The following FILIP1L variants were observed in gnomAD, a reference collection of about 807,000 sequenced individuals.
FILIP1L encodes the protein filamin A interacting protein 1 like.
Under a neutral mutation model 96.6 loss-of-function variants are expected in FILIP1L, and 55 were observed. The observed-to-expected ratio is 0.57, with a 90% confidence interval of 0.46 to 0.71. FILIP1L has a LOEUF of 0.71. FILIP1L is among the 30% of genes least tolerant of loss of function. The probability of loss-of-function intolerance (pLI) is 0.00; values close to 1 mark genes in which losing one functional copy is unlikely to be tolerated. For missense variants in FILIP1L, 1,304 were observed against 1,321.2 expected (o/e 0.99, Z 0.20); for synonymous variants, 467 against 473.9 (o/e 0.99, Z 0.19).
intron 1 of FILIP1L, among the ~76,000 whole-genome samples, chr3:100,001,819 G>A (rs1177927208): frequency 6.6e-6 from 1 of 152,202 alleles, no homozygotes; most frequent in Non-Finnish European, 1.5e-5. Context: ...AATAATTAAA[G>A]GGATGGGTGT....
chr3:99,846,209 C>T (rs576200930), intron 5 of FILIP1L, among the ~76,000 whole-genome samples: 301 of 152,296 alleles, frequency 2.0e-3, no homozygotes, highest in Non-Finnish European at 2.7e-3. Context: ...GATGGGAATC[C>T]CTTGGCTGGT....
intron 1 of FILIP1L, among the ~76,000 whole-genome samples, chr3:100,060,044 G>A (rs2065533409): frequency 6.6e-6 from 1 of 150,946 alleles, no homozygotes; most frequent in African/African-American, 2.4e-5. Flanking sequence ...GACGGTTGGG[G>A]AAATGGGGGC....
At chr3:99,926,880 A>G (rs1707309053) in intron 3 of FILIP1L, among the ~76,000 whole-genome samples, 1 of 152,170 alleles carries the variant, frequency 6.6e-6, no homozygotes, top group African/African-American at 2.4e-5. Flanking sequence ...CGTGCCCTTC[A>G]TTTATTCCAT....
chr3:99,982,843 A>G (rs958802205), intron 1 of FILIP1L, among the ~76,000 whole-genome samples: 2 of 152,214 alleles, frequency 1.3e-5, no homozygotes, highest in Non-Finnish European at 2.9e-5. Flanking sequence ...ATGGTAATTT[A>G]TGCAGCAATA....
At chr3:100,028,462 G>A (rs2064966402) in intron 1 of FILIP1L, among the ~76,000 whole-genome samples, 1 of 152,104 alleles carries the variant, frequency 6.6e-6, no homozygotes, top group Admixed American at 6.6e-5. Flanking sequence ...GTTGTTCCTT[G>A]TAAGTTTAAT....
chr3:100,021,950 TGTGTGTGTGTGAGAGA>T (rs1287789201), intron 1 of FILIP1L, among the ~76,000 whole-genome samples: 42 of 129,000 alleles, frequency 3.3e-4, no homozygotes, highest in Non-Finnish European at 5.2e-4. Flanking sequence ...TGTGTGTGTG[TGTGTGTGTGTGAGAGA>T]GAGAGAGAGA....
At chr3:100,012,704 A>G (rs978429696) in intron 1 of FILIP1L, among the ~76,000 whole-genome samples, 4 of 150,810 alleles carry the variant, frequency 2.7e-5, no homozygotes, top group Non-Finnish European at 5.9e-5. Context: ...GTTGACATCA[A>G]GTTTTCCAGA....
In FILIP1L at chr3:99,829,044, A is replaced by G. The variant is rs941296975; in HGVS notation, c.*1370T>C. On this transcript the variant is annotated 3_prime_UTR_variant, in exon 6 of 6. Transcript: ENST00000477258. ...GGCCTGGGGGTGTTTGTACAGTGGC[A>G]TTAGTGCAATGAGGTGGACTTAGTT... 6.6e-6 allele frequency among the ~76,000 whole-genome samples: 1 copy of G among 152,040 alleles called. No individual in the cohort carries two copies. Among genetic ancestry groups the G allele is most frequent in the African/African-American group, 2.4e-5 (1 of 41,368 alleles).
At chr3:100,109,189 G>A (rs998394269) in intron 1 of FILIP1L, among the ~76,000 whole-genome samples, 1 of 151,482 alleles carries the variant, frequency 6.6e-6, no homozygotes, top group African/African-American at 2.4e-5. Flanking sequence ...TTTTTTAAGG[G>A]TTCTTTTTCT....
In FILIP1L at chr3:100,058,827, T is replaced by G. The variant is rs113367742; in HGVS notation, c.-11+55226A>C. 1.8e-3 allele frequency among the ~76,000 whole-genome samples: 281 copies of G among 152,338 alleles called. 1 individual carries two copies. The highest frequency in any genetic ancestry group is 6.5e-3 in the African/African-American group (270 of 41,582). On this transcript the variant is annotated intron_variant, in intron 1 of 5. Transcript: ENST00000477258. ...TCTCTTCTGGAGCCACAGTTTCATA[T>G]GTGAAGTTTAAAATAAAGTTTAGTA...
At chr3:99,924,191 AT>A in intron 4 of FILIP1L, 38 bp downstream of exon 4, 1 of 1,574,728 alleles carries the variant, frequency 6.4e-7, no homozygotes, top group African/African-American at 1.4e-5. Context: ...CAGCTCATAG[AT>A]TGCAGAATGG....
intron 1 of FILIP1L, among the ~76,000 whole-genome samples, chr3:100,081,888 C>T (rs1049095792): frequency 5.3e-5 from 8 of 152,118 alleles, no homozygotes; most frequent in Admixed American, 1.3e-4. Flanking sequence ...TAGCACCCTC[C>T]GAGTTGTGAC....
chr3:100,075,163 G>T (rs1431611050), intron 1 of FILIP1L, among the ~76,000 whole-genome samples: 1 of 152,180 alleles, frequency 6.6e-6, no homozygotes. Context: ...ATTAGATAGA[G>T]ATCGTCAAAA....
In FILIP1L at chr3:99,849,834, G is replaced by A; in HGVS notation, c.1842C>T (p.Ser614=). ...TGTTTTCTTGGTGTAATGCTGTTGT[G>A]GATTTCCCAGAGTCTTGATTTAATT... ...KNKLNQDSGK[S]TTALHQENNK... Residue 614 remains serine, a synonymous_variant, in exon 5 of 6, where the codon TCC becomes TCT. Coordinates refer to ENST00000477258, the MANE Select transcript of FILIP1L (RefSeq NM_001387850.1). 6.2e-7 allele frequency: 1 copy of A among 1,610,844 alleles called. No homozygotes were observed. The highest frequency in any genetic ancestry group is 8.5e-7 in the Non-Finnish European group (1 of 1,179,408).
chr3:100,052,020 A>C (rs926135514), intron 1 of FILIP1L, among the ~76,000 whole-genome samples: 1 of 151,570 alleles, frequency 6.6e-6, no homozygotes, highest in African/African-American at 2.4e-5. Context: ...CAAGAAACAC[A>C]TGCAATTTAC....
chr3:99,993,806 G>A lies in FILIP1L; in HGVS notation c.-10-62776C>T, dbSNP rs979298441. On this transcript the variant is annotated intron_variant, in intron 1 of 5. Coordinates refer to ENST00000477258, the MANE Select transcript of FILIP1L (RefSeq NM_001387850.1). ...GATTTACATGTGTTGAACCATCCTT[G>A]CATCCCTGGGATAAATCGTACTTGA... Among the ~76,000 whole-genome samples, 5 of 152,154 alleles carry A rather than the reference G, an allele frequency of 3.3e-5. No homozygotes were observed. In the East Asian group the frequency reaches 7.7e-4, roughly 23 times the overall value.
At chr3:99,833,379 G>T in intron 5 of FILIP1L, 1 of 758,408 alleles carries the variant, frequency 1.3e-6, no homozygotes, top group Non-Finnish European at 2.2e-6. Flanking sequence ...AGACTCCCTG[G>T]TTACAGTGAG....
Position 99,873,079 on chromosome 3 carries a change from A to C in FILIP1L, c.606-22009T>G, listed in dbSNP as rs558812791. ...CATAGGAGGTTCTAAAAGTCATTGC[A>C]GCACACTTTAAGCATAAGTGACTGG... On this transcript the variant is annotated intron_variant, in intron 4 of 5. Transcript: ENST00000477258. Among the ~76,000 whole-genome samples the C allele has an allele frequency of 4.5e-3, 688 of 152,342 alleles. 7 individuals carry two copies. Among genetic ancestry groups the C allele is most frequent in the African/African-American group, 0.016 (674 of 41,574 alleles).
chr3:100,003,844 T>C (rs1467144523), intron 1 of FILIP1L, among the ~76,000 whole-genome samples: 3 of 152,150 alleles, frequency 2.0e-5, no homozygotes, highest in African/African-American at 7.2e-5. Flanking sequence ...ATACAAACAC[T>C]AACTTTGCAT....
Sources: gnomAD v4.1 joint callset for allele counts (sites outside exome capture counted in the v4.1 genomes callset) on GRCh38, gnomAD v4.1.1 for gene constraint, MANE v1.5 for transcripts, NCBI Gene and HGNC (gene_info 2026-07-23, HGNC 2026-07-21) for gene names.